The following ZNF140 variants were observed in gnomAD, a reference collection of about 807,000 sequenced individuals.
ZNF140 encodes the protein zinc finger protein 140.
A neutral mutation model predicts 12.9 loss-of-function variants in ZNF140; 13 were observed. The ratio of observed to expected loss-of-function variants is 1.01; its 90% confidence interval spans 0.66 to 1.60. The LOEUF is 1.60. Among genes scored for constraint, ZNF140 ranks in the 40% most tolerant of loss-of-function variants. ZNF140 has a pLI of 0.00. For missense variants in ZNF140, 531 were observed against 548.8 expected, an observed-to-expected ratio of 0.97 and a Z score of 0.32; for synonymous variants, 214 against 186.7, an observed-to-expected ratio of 1.15 and a Z score of -1.19.
At chr12:133,105,408 G>A in intron 4 of ZNF140, 102 bp from the exon 5 acceptor site, 2 of 1,287,176 alleles carry the variant, frequency 1.6e-6, no homozygotes, top group Non-Finnish European at 2.1e-6. Context: ...CTATTGATAA[G>A]ATTTTTTGAA....
At chr12:133,102,244 TC>T (rs1444257702) in intron 4 of ZNF140, among the ~76,000 whole-genome samples, 1 of 152,192 alleles carries the variant, frequency 6.6e-6, no homozygotes, top group Non-Finnish European at 1.5e-5. Flanking sequence ...ACTTCTAAGA[TC>T]CTTGTAAGTC....
upstream of ZNF140, chr12:133,080,724 T>A (rs7968648): frequency 0.42 from 63,421 of 152,276 alleles, 13,518 homozygotes; most frequent in Non-Finnish European, 0.46. Context: ...GTTCTTTGTC[T>A]CCTGGCGTTC....
intron 4 of ZNF140, among the ~76,000 whole-genome samples, chr12:133,089,488 G>A (rs921751733): frequency 3.4e-4 from 51 of 152,156 alleles, no homozygotes; most frequent in African/African-American, 9.6e-4. Context: ...TGCTAGGATT[G>A]TAAGTGTGAG....
intron 4 of ZNF140, among the ~76,000 whole-genome samples, chr12:133,101,384 C>T (rs1305109337): frequency 6.0e-5 from 9 of 149,286 alleles, no homozygotes; most frequent in African/African-American, 9.9e-5. Context: ...CAGTTTTGGA[C>T]GTTTCTATTG....
chr12:133,099,781 T>C (rs1955269139), intron 4 of ZNF140, among the ~76,000 whole-genome samples: 1 of 152,236 alleles, frequency 6.6e-6, no homozygotes, highest in Non-Finnish European at 1.5e-5. Context: ...TGTATCATTT[T>C]CCACCTCTCT....
intron 4 of ZNF140, among the ~76,000 whole-genome samples, chr12:133,091,056 A>C (rs950302707): frequency 0.032 from 4,682 of 148,512 alleles, 195 homozygotes; most frequent in Middle Eastern, 0.076. Flanking sequence ...GCCTTCCTCT[A>C]TCTCAACTGC....
chr12:133,081,717 C>A (rs1954511326), intron 2 of ZNF140: 1 of 355,388 alleles, frequency 2.8e-6, no homozygotes, highest in African/African-American at 2.2e-5. Context: ...GGGTAGGGTG[C>A]CAGCTGTTAC....
At chr12:133,105,362 A>T (rs1209266440) in intron 4 of ZNF140, 148 bp from the exon 5 acceptor site, 1 of 741,150 alleles carries the variant, frequency 1.3e-6, no homozygotes, top group Non-Finnish European at 2.1e-6. Context: ...AGTTCTGGGC[A>T]TACTACTCAG....
At position 133,081,260 on chromosome 12, in the gene ZNF140, C is replaced by G; in HGVS notation, c.-48-13C>G. 6.6e-7 allele frequency: 1 copy of G among 1,507,682 alleles called. No individual in the cohort carries two copies. The highest frequency in any genetic ancestry group is 1.4e-5 in the African/African-American group (1 of 71,848). The allele number at this position is 1,507,682 out of a possible 1,614,324, so 93.4% of individuals were successfully genotyped here. ...TGGCCTGTTCGCTCAGGGCTCCTTT[C>G]TCTCTCTGCCAGGTCTGCCATTTTA... On this transcript the variant is annotated splice_polypyrimidine_tract_variant and intron_variant, in intron 1 of 4. Coordinates refer to ENST00000355557, the MANE Select transcript of ZNF140 (RefSeq NM_003440.4).
chr12:133,081,714 G>C (rs942165576), intron 2 of ZNF140: 1 of 361,312 alleles, frequency 2.8e-6, no homozygotes, highest in Non-Finnish European at 5.6e-6. Context: ...AGAGGGTAGG[G>C]TGCCAGCTGT....
At chr12:133,091,215 G>A (rs1157118027) in intron 4 of ZNF140, among the ~76,000 whole-genome samples, 1 of 150,470 alleles carries the variant, frequency 6.6e-6, no homozygotes. Flanking sequence ...GCTTTCAAGG[G>A]CAGAGGTCTC....
chr12:133,081,193 A>C, intron 1 of ZNF140, 80 bp from the exon 2 acceptor site: 1 of 565,322 alleles, frequency 1.8e-6, no homozygotes, highest in Non-Finnish European at 3.2e-6. Flanking sequence ...GGGCCACGGG[A>C]ATCCCCAGTG....
chr12:133,096,096 A>G lies in ZNF140; in HGVS notation c.233-9414A>G, dbSNP rs922201373. 2.6e-4 allele frequency among the ~76,000 whole-genome samples: 40 copies of G among 151,550 alleles called. 2 individuals carry two copies. The highest frequency in any genetic ancestry group is 5.9e-4 in the Admixed American group (9 of 15,176). ...CAGGTCTTTCTCATCCCACGAGGCC[A>G]TATTTCAGACTATCACATGGGGAGA... is the stretch of plus-strand genomic sequence containing the variant. On this transcript the variant is annotated intron_variant, in intron 4 of 4. Transcript: ENST00000355557.
Position 133,106,687 on chromosome 12 carries a change from A to T in ZNF140, c.*36A>T. 6.7e-7 allele frequency: 1 copy of T among 1,501,160 alleles called. No individual in the cohort carries two copies. The highest frequency in any genetic ancestry group is 8.9e-7 in the Non-Finnish European group (1 of 1,127,372). 93.0% of individuals were successfully genotyped at this position (1,501,160 alleles called of 1,614,324 possible). On this transcript the variant is annotated 3_prime_UTR_variant, in exon 5 of 5. Transcript: ENST00000355557. ...CAAAGAAAAACTATGAATGTATGGA[A>T]TTTTTTAAAAAGAAGTATAATGCCT...
chr12:133,091,870 C>T (rs1162065439), intron 4 of ZNF140, among the ~76,000 whole-genome samples: 2 of 150,938 alleles, frequency 1.3e-5, no homozygotes, highest in Middle Eastern at 3.2e-3. Context: ...TTGTAGACGG[C>T]GTTTAACCAT....
Position 133,106,341 on chromosome 12 carries a change from A to G in ZNF140, c.1064A>G (p.Lys355Arg), listed in dbSNP as rs774629924. 9.9e-6 allele frequency: 16 copies of G among 1,614,154 alleles called. No homozygotes were observed. The South Asian group carries it at 1.8e-4, about 18-fold the overall frequency. The change falls in exon 5 of 5, where the codon AAG (lysine) becomes AGG (arginine). Residue 355 changes from lysine to arginine, a missense_variant. Lys to Arg is a conservative substitution (Grantham distance 26). Transcript: ENST00000355557. The part of the protein sequence containing the change: ...IKHQRIHAGE[K>R]LYECDECGKV... ...CATCAGAGAATTCATGCTGGAGAAAAGCTCTATGAATGTGATGAATGTGGT... is the reference window on the plus strand; with the variant it reads ...CATCAGAGAATTCATGCTGGAGAAAGGCTCTATGAATGTGATGAATGTGGT...
intron 2 of ZNF140, chr12:133,082,558 T>A (rs1042962380): frequency 6.5e-6 from 1 of 153,776 alleles, no homozygotes; most frequent in African/African-American, 2.4e-5. Context: ...GAATCAAGAT[T>A]CTTTATTGCT....
In ZNF140 at chr12:133,081,295, G is replaced by C; in HGVS notation, c.-26G>C. 1.3e-6 allele frequency: 2 copies of C among 1,533,998 alleles called. No individual in the cohort carries two copies. The highest frequency in any genetic ancestry group is 1.8e-6 in the Non-Finnish European group (2 of 1,130,758). ...CAGGTCTGCCATTTTACACTTTTCTGATCTCCTCCTTCCCTTCTGTGAGCT... is the reference window on the plus strand; with the variant it reads ...CAGGTCTGCCATTTTACACTTTTCTCATCTCCTCCTTCCCTTCTGTGAGCT... On this transcript the variant is annotated 5_prime_UTR_variant, in exon 2 of 5. Coordinates refer to ENST00000355557, the MANE Select transcript of ZNF140 (RefSeq NM_003440.4).
At chr12:133,094,766 C>G (rs60216972) in intron 4 of ZNF140, among the ~76,000 whole-genome samples, 7 of 151,224 alleles carry the variant, frequency 4.6e-5, no homozygotes, top group Admixed American at 1.3e-4. Flanking sequence ...GTTTCAGGCT[C>G]CCTCCCCCAG....
Sources: allele counts gnomAD v4.1 joint callset (sites outside exome capture counted in the v4.1 genomes callset), GRCh38; gene constraint gnomAD v4.1.1; transcripts MANE v1.5; gene names NCBI Gene and HGNC (gene_info 2026-07-23, HGNC 2026-07-21).